Variants in STXBP5L observed in about 807,000 individuals in gnomAD.
The protein encoded by STXBP5L is syntaxin-binding protein 5-like.
In STXBP5L, 65 loss-of-function variants were observed where a neutral mutation model predicts 144.5. That is an observed-to-expected ratio of 0.45 (90% CI 0.37 to 0.55). STXBP5L has a LOEUF of 0.55. Ranked by LOEUF, STXBP5L falls within the 20% of genes least tolerant of loss-of-function variation. STXBP5L has a pLI of 0.00. For missense variants in STXBP5L, 1,298 were observed against 1,405.5 expected, an observed-to-expected ratio of 0.92 and a Z score of 1.22; for synonymous variants, 505 against 469.6, an observed-to-expected ratio of 1.08 and a Z score of -0.97.
rs940149336 is a variant in STXBP5L, at chr3:121,423,381, A to G, written c.*4284A>G. 1.3e-5 allele frequency: 2 copies of G among 152,198 alleles called. No individual in the cohort carries two copies. The highest frequency in any genetic ancestry group is 4.8e-5 in the African/African-American group (2 of 41,458). The allele number at this position is 152,198 out of a possible 1,614,324, so 9.4% of individuals were successfully genotyped here. ...TCAACATAACAAGTTTAGTGTGTGT[A>G]TTTGCAGACAACATAGCCCTGAAAG... On this transcript the variant is annotated 3_prime_UTR_variant, in exon 27 of 27. Coordinates refer to ENST00000471454, the MANE Select transcript of STXBP5L (RefSeq NM_001308330.2).
chr3:121,125,714 A>G (rs1279910499), intron 7 of STXBP5L, among the ~76,000 whole-genome samples: 2 of 152,084 alleles, frequency 1.3e-5, no homozygotes, highest in African/African-American at 4.8e-5. Flanking sequence ...GTTTGGCAAA[A>G]TTAATTGAGC....
At chr3:121,020,710 C>T (rs144394515) in intron 3 of STXBP5L, among the ~76,000 whole-genome samples, 100 of 152,142 alleles carry the variant, frequency 6.6e-4, no homozygotes, top group African/African-American at 2.4e-3. Context: ...CAAACAAATT[C>T]TGAGAGAATT....
At chr3:121,399,797 TCA>T (rs768616597) in intron 22 of STXBP5L, among the ~76,000 whole-genome samples, 5 of 152,212 alleles carry the variant, frequency 3.3e-5, no homozygotes, top group Non-Finnish European at 4.4e-5. Context: ...CATGAACATG[TCA>T]CAGTGCTGCA....
chr3:121,061,300 C>T (rs1457426541), intron 5 of STXBP5L, among the ~76,000 whole-genome samples: 1 of 152,134 alleles, frequency 6.6e-6, no homozygotes, highest in African/African-American at 2.4e-5. Context: ...GTTTCTTAAC[C>T]CCGAGTTCTA....
At chr3:121,274,218 A>G (rs918893890) in intron 18 of STXBP5L, among the ~76,000 whole-genome samples, 7 of 152,118 alleles carry the variant, frequency 4.6e-5, no homozygotes, top group African/African-American at 1.7e-4. Context: ...TGAAGTAGAT[A>G]CAGTGGGGAA....
At chr3:121,163,477 G>A (rs559516353) in intron 9 of STXBP5L, among the ~76,000 whole-genome samples, 1 of 151,676 alleles carries the variant, frequency 6.6e-6, no homozygotes, top group African/African-American at 2.4e-5. Context: ...ATGCATGCCG[G>A]GCTTAAAACC....
chr3:121,267,162 AC>A (rs1431882288), intron 18 of STXBP5L, among the ~76,000 whole-genome samples: 1 of 152,244 alleles, frequency 6.6e-6, no homozygotes, highest in African/African-American at 2.4e-5. Flanking sequence ...TTCGAACTAT[AC>A]TACAAGGCTA....
chr3:121,205,797 C>T (rs1352702680), intron 9 of STXBP5L, 126 bp from the exon 10 acceptor site: 4 of 459,998 alleles, frequency 8.7e-6, no homozygotes, highest in East Asian at 3.9e-5. Context: ...TAAGTTTATC[C>T]TATTATGACA....
chr3:121,027,956 C>A (rs1315040377), intron 3 of STXBP5L, among the ~76,000 whole-genome samples: 2 of 151,994 alleles, frequency 1.3e-5, no homozygotes, highest in Admixed American at 1.3e-4. Context: ...ATCACCATAA[C>A]TTTTTGAGTA....
intron 5 of STXBP5L, among the ~76,000 whole-genome samples, chr3:121,052,926 A>T (rs1948137136): frequency 6.6e-6 from 1 of 152,216 alleles, no homozygotes; most frequent in African/African-American, 2.4e-5. Context: ...ATGTACAAAA[A>T]TCACAAGCAT....
chr3:121,391,339 T>G (rs958307861), intron 22 of STXBP5L, among the ~76,000 whole-genome samples: 4 of 152,316 alleles, frequency 2.6e-5, no homozygotes, highest in African/African-American at 7.2e-5. Flanking sequence ...AGCATCCTCC[T>G]TTAGCTTGGA....
intron 6 of STXBP5L, among the ~76,000 whole-genome samples, chr3:121,118,452 G>T (rs1241758653): frequency 1.3e-5 from 2 of 151,644 alleles, no homozygotes; most frequent in Non-Finnish European, 3.0e-5. Flanking sequence ...TTTAAGTACT[G>T]CAGTTTATAG....
intron 11 of STXBP5L, 115 bp downstream of exon 11, chr3:121,223,272 T>G: frequency 4.7e-6 from 5 of 1,074,786 alleles, no homozygotes. Context: ...CGCTGTGAGC[T>G]ACAAGTGCTG....
chr3:121,324,385 A>T (rs774643103), intron 20 of STXBP5L: 65 of 555,248 alleles, frequency 1.2e-4, no homozygotes, highest in Non-Finnish European at 2.0e-4. Context: ...CAAAATGCAG[A>T]TCTTTCCAAA....
chr3:121,146,828 T>C (rs1167948990), intron 7 of STXBP5L, among the ~76,000 whole-genome samples: 1 of 152,100 alleles, frequency 6.6e-6, no homozygotes, highest in Non-Finnish European at 1.5e-5. Flanking sequence ...AGATTTATAG[T>C]ATACAGGTAG....
At chr3:121,004,074 C>T (rs1023308690) in intron 3 of STXBP5L, among the ~76,000 whole-genome samples, 2 of 151,948 alleles carry the variant, frequency 1.3e-5, no homozygotes, top group Admixed American at 6.5e-5. Flanking sequence ...TAGTTTTTTC[C>T]AATTCTGTGA....
At chr3:121,175,290 A>G (rs1359205582) in intron 9 of STXBP5L, among the ~76,000 whole-genome samples, 2 of 152,080 alleles carry the variant, frequency 1.3e-5, no homozygotes, top group Admixed American at 6.6e-5. Context: ...ACTGAAGGTA[A>G]CCATAGCAAC....
At chr3:121,167,862 C>G (rs557257851) in intron 9 of STXBP5L, among the ~76,000 whole-genome samples, 1 of 152,300 alleles carries the variant, frequency 6.6e-6, no homozygotes, top group East Asian at 1.9e-4. Context: ...CAAGTGGGTC[C>G]CTGACCCCCA....
intron 5 of STXBP5L, among the ~76,000 whole-genome samples, chr3:121,112,227 G>C (rs923184669): frequency 6.6e-6 from 1 of 151,928 alleles, no homozygotes; most frequent in Non-Finnish European, 1.5e-5. Context: ...CTAGCTGAGC[G>C]ACCGCCAAGA....
Sources: gnomAD v4.1 joint callset for allele counts (sites outside exome capture counted in the v4.1 genomes callset) on GRCh38, gnomAD v4.1.1 for gene constraint, MANE v1.5 for transcripts, NCBI Gene and HGNC (gene_info 2026-07-23, HGNC 2026-07-21) for gene names.